Variants in MARCHF4 observed in about 807,000 individuals in gnomAD.
The protein encoded by MARCHF4 is E3 ubiquitin-protein ligase MARCHF4.
MARCHF4 carries 14 observed loss-of-function variants against 43.9 expected under a neutral mutation model. The ratio of observed to expected loss-of-function variants is 0.32; its 90% confidence interval spans 0.21 to 0.50. MARCHF4 has a LOEUF of 0.50. MARCHF4 is among the 20% of genes least tolerant of loss of function. The pLI, the probability that MARCHF4 is intolerant of heterozygous loss-of-function variation, is 0.98. For synonymous variants in MARCHF4, 226 were observed against 213.3 expected (o/e 1.06, Z -0.52); for missense variants, 468 against 536.7 (o/e 0.87, Z 1.27).
At chr2:216,321,321 TTTGAGGTGTATG>T (rs1408053918) in intron 1 of MARCHF4, among the ~76,000 whole-genome samples, 47 of 152,264 alleles carry the variant, frequency 3.1e-4, no homozygotes, top group African/African-American at 1.1e-3. Flanking sequence ...AGCTCATCAT[TTTGAGGTGTATG>T]GATATATATA....
chr2:216,285,745 T>A (rs971980234), intron 1 of MARCHF4, among the ~76,000 whole-genome samples: 1 of 152,080 alleles, frequency 6.6e-6, no homozygotes, highest in African/African-American at 2.4e-5. Flanking sequence ...CAGGAGGGGA[T>A]GAGTGGAGAG....
intron 2 of MARCHF4, 28 bp from the exon 3 acceptor site, chr2:216,277,892 A>T: frequency 6.3e-7 from 1 of 1,586,634 alleles, no homozygotes; most frequent in Non-Finnish European, 8.6e-7. Context: ...GCCAGTTAGC[A>T]GTTGCTTGGA....
intron 2 of MARCHF4, among the ~76,000 whole-genome samples, chr2:216,280,228 C>T (rs1347288778): frequency 1.3e-5 from 2 of 151,714 alleles, no homozygotes; most frequent in African/African-American, 4.8e-5. Flanking sequence ...GAGAAGGACA[C>T]CCAGGGTACC....
chr2:216,332,792 G>A (rs1385435509), intron 1 of MARCHF4, among the ~76,000 whole-genome samples: 1 of 152,186 alleles, frequency 6.6e-6, no homozygotes, highest in Admixed American at 6.5e-5. Context: ...AATTAATTCA[G>A]TGTGGTATTG....
At chr2:216,329,769 C>T (rs1211473578) in intron 1 of MARCHF4, among the ~76,000 whole-genome samples, 2 of 150,580 alleles carry the variant, frequency 1.3e-5, no homozygotes, top group Non-Finnish European at 3.0e-5. Flanking sequence ...ACTGTATGTC[C>T]CTTAAGTATA....
chr2:216,367,504 C>T (rs2105987893), intron 1 of MARCHF4, among the ~76,000 whole-genome samples: 1 of 152,300 alleles, frequency 6.6e-6, no homozygotes, highest in South Asian at 2.1e-4. Flanking sequence ...TAATGCAGTA[C>T]TCACATTGCT....
chr2:216,302,251 C>A (rs1048380006), intron 1 of MARCHF4, among the ~76,000 whole-genome samples: 2 of 152,032 alleles, frequency 1.3e-5, no homozygotes, highest in African/African-American at 4.8e-5. Context: ...CGGAGTCTCG[C>A]TCTGTCACCC....
intron 1 of MARCHF4, among the ~76,000 whole-genome samples, chr2:216,354,891 T>TTCTC: frequency 1.2e-5 from 1 of 86,790 alleles, no homozygotes; most frequent in African/African-American, 4.6e-5. Flanking sequence ...TTAATAATTG[T>TTCTC]TTTCTTTCTT....
chr2:216,327,940 T>C (rs1246574332), intron 1 of MARCHF4, among the ~76,000 whole-genome samples: 1 of 151,466 alleles, frequency 6.6e-6, no homozygotes, highest in Non-Finnish European at 1.5e-5. Context: ...GAAATATTTT[T>C]TTTTAATATT....
chr2:216,302,161 A>G (rs1441577896), intron 1 of MARCHF4, among the ~76,000 whole-genome samples: 8 of 152,286 alleles, frequency 5.3e-5, no homozygotes, highest in Admixed American at 1.3e-4. Flanking sequence ...GCAATAAACC[A>G]TTACTTAGAA....
At position 216,306,724 on chromosome 2, in the gene MARCHF4, C is replaced by T. The variant is rs547643745; in HGVS notation, c.517-22995G>A. On this transcript the variant is annotated intron_variant, in intron 1 of 3. Coordinates refer to ENST00000273067, the MANE Select transcript of MARCHF4 (RefSeq NM_020814.3). ...AGTGTTGAGGGGTGGATATTATTAT[C>T]CCCATTTTATAGATAAGTGAACTGA... Among the ~76,000 whole-genome samples the T allele has an allele frequency of 1.6e-4, 25 of 152,164 alleles. No individual in the cohort carries two copies. In the South Asian group the frequency reaches 4.6e-3, roughly 28 times the overall value.
At chr2:216,344,893 G>A (rs1262277147) in intron 1 of MARCHF4, among the ~76,000 whole-genome samples, 4 of 151,866 alleles carry the variant, frequency 2.6e-5, no homozygotes, top group African/African-American at 4.8e-5. Flanking sequence ...CTGGGAAGGA[G>A]GCCGGGTGCT....
chr2:216,264,918 C>T (rs759469991), intron 3 of MARCHF4, among the ~76,000 whole-genome samples: 3 of 152,160 alleles, frequency 2.0e-5, no homozygotes, highest in Non-Finnish European at 4.4e-5. Flanking sequence ...CACAAACTAC[C>T]TCATTCAAAT....
At chr2:216,312,483 G>T (rs1391658157) in intron 1 of MARCHF4, among the ~76,000 whole-genome samples, 1 of 152,146 alleles carries the variant, frequency 6.6e-6, no homozygotes, top group Non-Finnish European at 1.5e-5. Context: ...ACAGTGTGGA[G>T]GTTGAACTAA....
At chr2:216,261,814 T>G (rs2105930312) in intron 3 of MARCHF4, among the ~76,000 whole-genome samples, 1 of 152,226 alleles carries the variant, frequency 6.6e-6, no homozygotes, top group African/African-American at 2.4e-5. Flanking sequence ...CTTCAGGTGT[T>G]TAGAGGCTTG....
At chr2:216,292,286 C>T (rs1409843782) in intron 1 of MARCHF4, among the ~76,000 whole-genome samples, 1 of 152,190 alleles carries the variant, frequency 6.6e-6, no homozygotes, top group Non-Finnish European at 1.5e-5. Context: ...GCATAGCAAC[C>T]CATTAAAATT....
At chr2:216,303,012 C>A (rs76329397) in intron 1 of MARCHF4, among the ~76,000 whole-genome samples, 1 of 151,754 alleles carries the variant, frequency 6.6e-6, no homozygotes, top group Admixed American at 6.6e-5. Flanking sequence ...ACCTCAATTC[C>A]ATTTCTTCTC....
At chr2:216,337,164 A>G (rs1457434235) in intron 1 of MARCHF4, among the ~76,000 whole-genome samples, 2 of 152,084 alleles carry the variant, frequency 1.3e-5, no homozygotes, top group African/African-American at 2.4e-5. Context: ...AAAAAAAAAA[A>G]AAGAAAGGTT....
At chr2:216,300,501 A>C (rs1413676214) in intron 1 of MARCHF4, among the ~76,000 whole-genome samples, 1 of 151,638 alleles carries the variant, frequency 6.6e-6, no homozygotes, top group African/African-American at 2.4e-5. Flanking sequence ...GTGCCACCAC[A>C]CCCAGCTAAA....
Sources: gnomAD v4.1 joint callset for allele counts (sites outside exome capture counted in the v4.1 genomes callset) on GRCh38, gnomAD v4.1.1 for gene constraint, MANE v1.5 for transcripts, NCBI Gene and HGNC (gene_info 2026-07-23, HGNC 2026-07-21) for gene names.